Variants in CPAMD8 observed in about 807,000 individuals in gnomAD.
The protein encoded by CPAMD8 is C3 and PZP-like alpha-2-macroglobulin domain-containing protein 8.
A neutral mutation model predicts 224.7 loss-of-function variants in CPAMD8; 146 were observed. That is an observed-to-expected ratio of 0.65 (90% CI 0.57 to 0.75). CPAMD8 has a LOEUF of 0.75. Among genes scored for constraint, CPAMD8 ranks in the 30% least tolerant of loss-of-function variants. CPAMD8 has a pLI of 0.00. For synonymous variants in CPAMD8, 966 were observed against 1,044.6 expected, an observed-to-expected ratio of 0.92 and a Z score of 1.45; for missense variants, 2,301 against 2,537.5, an observed-to-expected ratio of 0.91 and a Z score of 2.00.
In CPAMD8 at chr19:16,899,520, C is replaced by T. The variant is rs373993040; in HGVS notation, c.4803G>A (p.Lys1601=). 3.8e-6 allele frequency: 6 copies of T among 1,575,846 alleles called. No homozygotes were observed. In the Admixed American group the frequency reaches 8.3e-5, roughly 22 times the overall value. The change falls in exon 37 of 42, where the codon AAG becomes AAA. Residue 1601 remains lysine (K), a synonymous_variant. Coordinates refer to ENST00000443236, the MANE Select transcript of CPAMD8 (RefSeq NM_015692.5). The surrounding 1 kb of genome is among the most constrained non-coding windows in gnomAD (Gnocchi z 5.4). ...CTCGGCGTCCAGCCACTTCATACCT[C>T]TTCATCCCCATGTGCTTGTCAAGGA... is the stretch of plus-strand genomic sequence containing the variant. The part of the protein sequence containing the change: ...QLLLDKHMGM[K]RYEVAGRRVL...
intron 18 of CPAMD8, among the ~76,000 whole-genome samples, chr19:16,959,196 T>C (rs1413673576): frequency 6.8e-6 from 1 of 146,102 alleles, no homozygotes; most frequent in African/African-American, 2.5e-5. Flanking sequence ...TTTTTTGAGA[T>C]GGAGTCTTGC....
At chr19:17,004,596 AG>A (rs767124224) in intron 7 of CPAMD8, among the ~76,000 whole-genome samples, 12 of 152,052 alleles carry the variant, frequency 7.9e-5, no homozygotes, top group Non-Finnish European at 1.6e-4. Context: ...CGGGCTTCGA[AG>A]GGATGCAGGA....
At chr19:17,021,861 A>C (rs1345310027) in intron 2 of CPAMD8, among the ~76,000 whole-genome samples, 169 bp downstream of exon 2, 1 of 152,224 alleles carries the variant, frequency 6.6e-6, no homozygotes, top group African/African-American at 2.4e-5. Context: ...CTCCATCTGT[A>C]GAATGAGGAG....
At chr19:17,003,763 T>C (rs1004250471) in intron 8 of CPAMD8, among the ~76,000 whole-genome samples, 1 of 143,030 alleles carries the variant, frequency 7.0e-6, no homozygotes, top group African/African-American at 2.6e-5. Flanking sequence ...GGGTGATGGG[T>C]GTGAAACCCT....
intron 34 of CPAMD8, among the ~76,000 whole-genome samples, chr19:16,903,110 TA>T (rs1437116319): frequency 6.6e-6 from 1 of 152,112 alleles, no homozygotes; most frequent in Non-Finnish European, 1.5e-5. Flanking sequence ...TGTCTGAGTC[TA>T]GGGGTCTCCC....
intron 7 of CPAMD8, among the ~76,000 whole-genome samples, chr19:17,007,686 A>G (rs2056531070): frequency 6.6e-6 from 1 of 152,006 alleles, no homozygotes; most frequent in African/African-American, 2.4e-5. Flanking sequence ...CCCACACCCT[A>G]CCTATCCCCT....
intron 17 of CPAMD8, among the ~76,000 whole-genome samples, chr19:16,974,131 A>G (rs1025614404): frequency 4.1e-5 from 6 of 146,270 alleles, no homozygotes; most frequent in Admixed American, 4.1e-4. Flanking sequence ...CTCAGCCAGC[A>G]TTAGCCCTTT....
intron 18 of CPAMD8, among the ~76,000 whole-genome samples, chr19:16,966,676 G>A (rs1226680163): frequency 6.6e-6 from 1 of 151,986 alleles, no homozygotes; most frequent in Admixed American, 6.6e-5. Context: ...TCAAAAAGTG[G>A]GCAAAGGATA....
chr19:17,002,178 A>G, intron 9 of CPAMD8, 88 bp downstream of exon 9: 1 of 852,940 alleles, frequency 1.2e-6, no homozygotes, highest in Non-Finnish European at 1.9e-6. Flanking sequence ...GAGGCAGCAG[A>G]GGAGGGGAAC....
At chr19:16,895,765 T>C (rs1470185912) in intron 41 of CPAMD8, 2 of 377,964 alleles carry the variant, frequency 5.3e-6, no homozygotes, top group Non-Finnish European at 5.4e-6. Flanking sequence ...GATTTTTAGA[T>C]TAGGGATGCT....
In CPAMD8 at chr19:16,972,496, G is replaced by A. The variant is rs577130669; in HGVS notation, c.2071-1463C>T. ...CGCCCAGGCTGGAGTGCAGTGGCGC[G>A]ATCTCGGCTCACTGTAAGCTCCGCC... On this transcript the variant is annotated intron_variant, in intron 17 of 41. Transcript: ENST00000443236. Among the ~76,000 whole-genome samples, 19 of 152,024 alleles carry A rather than the reference G, an allele frequency of 1.2e-4. 1 individual carries two copies. The South Asian group carries it at 2.5e-3, about 20-fold the overall frequency.
In CPAMD8 at chr19:16,914,459, C is replaced by T; in HGVS notation, c.3826G>A (p.Val1276Met). The T allele has an allele frequency of 1.2e-6, 2 of 1,614,224 alleles. No homozygotes were observed. The highest frequency in any genetic ancestry group is 1.7e-6 in the Non-Finnish European group (2 of 1,180,028). ...GTGCCTGTTTCCAGGAGAGCAACCA[C>T]CACGTAGGCTGTCAGCGGGACAGTG... ...HGTVPLTAYV[V>M]VALLETGTAS... Residue 1276 changes from valine to methionine, a missense_variant, in exon 29 of 42, where the codon GTG becomes ATG. By Grantham distance (21) the Val-to-Met change is conservative. Around this residue, in one of 4 missense-constraint regions of CPAMD8, gnomAD observed 1,709 missense variants for 1,753.2 expected, o/e 0.97. Coordinates refer to ENST00000443236, the MANE Select transcript of CPAMD8 (RefSeq NM_015692.5).
intron 29 of CPAMD8, 59 bp downstream of exon 29, chr19:16,914,365 C>A: frequency 3.5e-6 from 5 of 1,424,178 alleles, no homozygotes; most frequent in Non-Finnish European, 5.0e-6. Flanking sequence ...AGGAGGGAAC[C>A]TTCCATTTGC....
At chr19:16,977,579 C>A (rs763496304) in intron 14 of CPAMD8, 39 bp from the exon 15 acceptor site, 1 of 1,501,218 alleles carries the variant, frequency 6.7e-7, no homozygotes, top group East Asian at 2.3e-5. Flanking sequence ...GTGAATTCTC[C>A]GCATCCGACA....
intron 27 of CPAMD8, among the ~76,000 whole-genome samples, chr19:16,919,021 G>T (rs895681546): frequency 1.3e-5 from 2 of 151,904 alleles, no homozygotes; most frequent in East Asian, 3.9e-4. Flanking sequence ...TGGGCAACAT[G>T]GTGAAATCCT....
intron 11 of CPAMD8, among the ~76,000 whole-genome samples, chr19:16,996,027 G>A (rs910537397): frequency 6.6e-6 from 1 of 152,110 alleles, no homozygotes; most frequent in Admixed American, 6.6e-5. Flanking sequence ...GGGCATGCCT[G>A]TAATCCCAGC....
intron 36 of CPAMD8, among the ~76,000 whole-genome samples, chr19:16,900,870 G>A (rs1234933429): frequency 6.6e-6 from 1 of 152,012 alleles, no homozygotes; most frequent in Non-Finnish European, 1.5e-5. Flanking sequence ...AAATTAGCAG[G>A]GCATGGTAGT....
chr19:17,022,423 C>A (rs1256365868), intron 1 of CPAMD8, among the ~76,000 whole-genome samples: 1 of 152,148 alleles, frequency 6.6e-6, no homozygotes, highest in Non-Finnish European at 1.5e-5. Context: ...TTCAGCATTG[C>A]ACAACCCCTC....
At chr19:16,986,023 A>G (rs2055707518) in intron 13 of CPAMD8, among the ~76,000 whole-genome samples, 1 of 151,946 alleles carries the variant, frequency 6.6e-6, no homozygotes, top group Non-Finnish European at 1.5e-5. Flanking sequence ...TCTTGGGGGG[A>G]AAAGGAGAGC....
Sources: gnomAD v4.1 joint callset for allele counts (sites outside exome capture counted in the v4.1 genomes callset) on GRCh38, gnomAD v4.1.1 for gene constraint, gnomAD v4.1.1 regional missense constraint, Gnocchi (gnomAD v3.1) non-coding constraint, MANE v1.5 for transcripts, NCBI Gene and HGNC (gene_info 2026-07-23, HGNC 2026-07-21) for gene names.